The following ELAVL2 variants were observed in gnomAD, a reference collection of about 807,000 sequenced individuals.
The protein encoded by ELAVL2 is ELAV like RNA binding protein 2, also known as ELAV-like protein 2.
Under a neutral mutation model 34.6 loss-of-function variants are expected in ELAVL2, and 4 were observed. The ratio of observed to expected loss-of-function variants is 0.12; its 90% CI spans 0.06 to 0.26. The LOEUF is 0.26. Ranked by LOEUF, ELAVL2 falls within the 10% of genes least tolerant of loss-of-function variation. The pLI, the probability that ELAVL2 is intolerant of heterozygous loss-of-function variation, is 1.00. For missense variants in ELAVL2, 432 were observed against 442.8 expected, an observed-to-expected ratio of 0.98 and a Z score of 0.22; for synonymous variants, 193 against 154.8, an observed-to-expected ratio of 1.25 and a Z score of -1.83.
chr9:23,748,749 G>C (rs1270512973), intron 2 of ELAVL2, among the ~76,000 whole-genome samples: 1 of 152,106 alleles, frequency 6.6e-6, no homozygotes, highest in Non-Finnish European at 1.5e-5. Context: ...TATTTCAGGG[G>C]GAGGGGTTGG....
intron 1 of ELAVL2, among the ~76,000 whole-genome samples, chr9:23,773,477 A>C (rs1409198027): frequency 1.3e-5 from 2 of 152,258 alleles, no homozygotes; most frequent in South Asian, 2.1e-4. Context: ...TTTGAAACGA[A>C]CGCTTAAGGA....
chr9:23,783,347 G>A (rs1207293573), intron 1 of ELAVL2: 1 of 559,470 alleles, frequency 1.8e-6, no homozygotes, highest in African/African-American at 2.0e-5. Context: ...CTCACAGTCT[G>A]AAGCCACTTA....
chr9:23,773,237 T>C lies in ELAVL2; in HGVS notation c.-15-10988A>G, dbSNP rs76084793. 7.9e-5 allele frequency among the ~76,000 whole-genome samples: 12 copies of C among 152,314 alleles called. No individual in the cohort carries two copies. The East Asian group carries it at 1.7e-3, about 22-fold the overall frequency. ...TAATAATGTTTTTCAAAAAAGTTAATGCTAGACACTATAGAACAGGTAAGG... is the reference window on the plus strand; with the variant it reads ...TAATAATGTTTTTCAAAAAAGTTAACGCTAGACACTATAGAACAGGTAAGG... On this transcript the variant is annotated intron_variant, in intron 1 of 6. Coordinates refer to ENST00000397312, the MANE Select transcript of ELAVL2 (RefSeq NM_004432.5).
chr9:23,816,317 T>G (rs1297642374), intron 1 of ELAVL2, among the ~76,000 whole-genome samples: 1 of 44,696 alleles, frequency 2.2e-5, no homozygotes, highest in Non-Finnish European at 3.8e-5. Flanking sequence ...AAGCTTTCAG[T>G]AAAAAAAAAA....
At chr9:23,757,274 T>A (rs2053796856) in intron 2 of ELAVL2, among the ~76,000 whole-genome samples, 1 of 152,066 alleles carries the variant, frequency 6.6e-6, no homozygotes, top group Non-Finnish European at 1.5e-5. Context: ...AAATCACACA[T>A]CTCTCTATAA....
intron 2 of ELAVL2, chr9:23,735,119 A>AAAAAAAAAAAAAAAAAAAAAAAAC (rs2047542360): frequency 6.8e-6 from 1 of 147,170 alleles, no homozygotes; most frequent in Non-Finnish European, 1.5e-5. Context: ...AAAAAAAAAA[A>AAAAAAAAAAAAAAAAAAAAAAAAC]AAAAAAAAGC....
chr9:23,794,344 C>T (rs531635688), intron 1 of ELAVL2, among the ~76,000 whole-genome samples: 2 of 152,250 alleles, frequency 1.3e-5, no homozygotes, highest in South Asian at 4.1e-4. Context: ...CATCAGCTTC[C>T]CCTAAAGAGG....
At chr9:23,827,555 C>T (rs995423666), upstream of ELAVL2, among the ~76,000 whole-genome samples, 4 of 152,120 alleles carry the variant, frequency 2.6e-5, no homozygotes, top group African/African-American at 9.7e-5. Context: ...GTAATGTACA[C>T]ATTACATTAC....
At chr9:23,765,075 T>C (rs761128667) in intron 1 of ELAVL2, 2 of 1,607,960 alleles carry the variant, frequency 1.2e-6, no homozygotes, top group South Asian at 1.1e-5. Flanking sequence ...ACAGTCTGAC[T>C]GCCATGTTAG....
chr9:23,754,021 A>G (rs2052869693), intron 2 of ELAVL2, among the ~76,000 whole-genome samples: 1 of 152,182 alleles, frequency 6.6e-6, no homozygotes, highest in African/African-American at 2.4e-5. Flanking sequence ...AGGGCTAGGA[A>G]AGCACAAAAT....
the ELAVL2 span, among the ~76,000 whole-genome samples, chr9:23,834,771 A>C: frequency 6.6e-6 from 1 of 152,170 alleles, no homozygotes; most frequent in South Asian, 2.1e-4. Flanking sequence ...AAAATCATCT[A>C]TCTGCCCTGT....
intron 3 of ELAVL2, among the ~76,000 whole-genome samples, chr9:23,721,786 A>T (rs2043801449): frequency 6.6e-6 from 1 of 152,206 alleles, no homozygotes; most frequent in Non-Finnish European, 1.5e-5. Context: ...TATTTTGTCT[A>T]CCTTATGATT....
Position 23,692,258 on chromosome 9 carries a change from G to T in ELAVL2, c.*299C>A. ...GCAGTTATGTAAAAAGAAAAGAAATGTCTTCCCTTAGCTGAAACACTTTAA... is the reference window on the plus strand; with the variant it reads ...GCAGTTATGTAAAAAGAAAAGAAATTTCTTCCCTTAGCTGAAACACTTTAA... On this transcript the variant is annotated 3_prime_UTR_variant, in exon 7 of 7. Transcript: ENST00000397312. 4.0e-6 allele frequency: 1 copy of T among 250,584 alleles called. No homozygotes were observed. The highest frequency in any genetic ancestry group is 7.7e-6 in the Non-Finnish European group (1 of 129,854). 15.5% of individuals were successfully genotyped at this position (250,584 alleles called of 1,614,324 possible).
chr9:23,718,865 A>G (rs888597222), intron 3 of ELAVL2, among the ~76,000 whole-genome samples: 2 of 152,198 alleles, frequency 1.3e-5, no homozygotes, highest in African/African-American at 4.8e-5. Flanking sequence ...AGTCTCATTC[A>G]AAGACAATCC....
Position 23,786,311 on chromosome 9 carries a change from T to C in ELAVL2, c.-15-24062A>G, listed in dbSNP as rs113701281. Among the ~76,000 whole-genome samples, 21 of 152,274 alleles carry C rather than the reference T, an allele frequency of 1.4e-4. 1 individual carries two copies. The highest frequency in any genetic ancestry group is 4.8e-4 in the African/African-American group (20 of 41,548). On this transcript the variant is annotated intron_variant, in intron 1 of 6. Coordinates refer to ENST00000397312, the MANE Select transcript of ELAVL2 (RefSeq NM_004432.5). ...GTAAGCAACAAAGATCTAATTTATATTGAGATAAACTATATAGGCTCAGAC... is the reference window on the plus strand; with the variant it reads ...GTAAGCAACAAAGATCTAATTTATACTGAGATAAACTATATAGGCTCAGAC...
At chr9:23,804,796 C>G (rs998077207) in intron 1 of ELAVL2, among the ~76,000 whole-genome samples, 2 of 152,138 alleles carry the variant, frequency 1.3e-5, no homozygotes, top group Admixed American at 6.5e-5. Flanking sequence ...CGGGAACCAG[C>G]CACAAGGTCA....
At chr9:23,712,625 C>A (rs1487386690) in intron 3 of ELAVL2, among the ~76,000 whole-genome samples, 4 of 152,064 alleles carry the variant, frequency 2.6e-5, no homozygotes, top group Non-Finnish European at 5.9e-5. Flanking sequence ...CCTACAATAG[C>A]TAGAATCTTT....
intron 3 of ELAVL2, among the ~76,000 whole-genome samples, chr9:23,718,897 A>G (rs981765743): frequency 1.3e-5 from 2 of 152,200 alleles, no homozygotes; most frequent in South Asian, 4.1e-4. Flanking sequence ...AGTATCTATT[A>G]GACACCTGAG....
At chr9:23,693,583 T>C in intron 5 of ELAVL2, 97 bp from the exon 6 acceptor site, 3 of 1,386,832 alleles carry the variant, frequency 2.2e-6, no homozygotes, top group Non-Finnish European at 3.1e-6. Flanking sequence ...AGGGGATATC[T>C]GTACACTGAT....
Sources: gnomAD v4.1 joint callset for allele counts (sites outside exome capture counted in the v4.1 genomes callset) on GRCh38, gnomAD v4.1.1 for gene constraint, MANE v1.5 for transcripts, NCBI Gene and HGNC (gene_info 2026-07-23, HGNC 2026-07-21) for gene names.